COMMD7: variants seen among roughly 807,000 people sequenced by gnomAD.
COMMD7 encodes COMM domain containing 7.
Under a neutral mutation model 34.8 loss-of-function variants are expected in COMMD7, and 28 were observed. The ratio of observed to expected loss-of-function variants is 0.80; its 90% CI spans 0.60 to 1.10. The LOEUF is 1.10. COMMD7 is among the 50% of genes least tolerant of loss of function. The pLI, the probability that COMMD7 is intolerant of heterozygous loss-of-function variation, is 0.00. For synonymous variants in COMMD7, 80 were observed against 86.4 expected (o/e 0.93, Z 0.41); for missense variants, 211 against 241.6 (o/e 0.87, Z 0.84).
intron 3 of COMMD7, among the ~76,000 whole-genome samples, chr20:32,708,294 G>C (rs1335726411): frequency 6.6e-6 from 1 of 152,008 alleles, no homozygotes; most frequent in Non-Finnish European, 1.5e-5. Context: ...ACTAATTAAA[G>C]AATAGGAAGA....
rs776073166 is a variant in COMMD7, at chr20:32,727,953, T to C, written c.181A>G (p.Asn61Asp). 17 of 1,614,002 alleles carry C rather than the reference T, an allele frequency of 1.1e-5. No homozygotes were observed. The highest frequency in any genetic ancestry group is 1.4e-5 in the Non-Finnish European group (16 of 1,180,032). ...CTGAGGGAGCCAAGACTGATCTGAT[T>C]GGTGGTGGCAAATTCAGAGAGCTGA... ...LAQLSEFATT[N>D]QISLGSLRSI... Residue 61 changes from asparagine (N) to aspartate (D), a missense_variant, in exon 3 of 9, where the codon AAT (asparagine) becomes GAT (aspartate). Asn to Asp is a conservative substitution (Grantham distance 23, BLOSUM62 1). Coordinates refer to ENST00000278980, the MANE Select transcript of COMMD7 (RefSeq NM_053041.3).
chr20:32,719,224 C>T (rs1568782281), intron 3 of COMMD7, among the ~76,000 whole-genome samples: 1 of 152,138 alleles, frequency 6.6e-6, no homozygotes, highest in Non-Finnish European at 1.5e-5. Flanking sequence ...CCAGGGCAAA[C>T]TGGAGTCTGG....
At chr20:32,716,671 G>A (rs1984806657) in intron 3 of COMMD7, among the ~76,000 whole-genome samples, 1 of 152,170 alleles carries the variant, frequency 6.6e-6, no homozygotes, top group Admixed American at 6.6e-5. Context: ...GCCCACACCT[G>A]TAATCCCAGC....
intron 3 of COMMD7, among the ~76,000 whole-genome samples, chr20:32,715,299 A>G (rs1426570110): frequency 2.7e-5 from 4 of 150,836 alleles, no homozygotes; most frequent in Non-Finnish European, 4.4e-5. Flanking sequence ...CCTAGGAAAC[A>G]TGGCAAAACC....
chr20:32,713,892 G>T (rs936282790), intron 3 of COMMD7, among the ~76,000 whole-genome samples: 1 of 152,142 alleles, frequency 6.6e-6, no homozygotes, highest in Non-Finnish European at 1.5e-5. Flanking sequence ...GAGGCAGGTG[G>T]ATCTCAAGGT....
At chr20:32,722,976 G>A (rs6141337) in intron 3 of COMMD7, among the ~76,000 whole-genome samples, 23,156 of 149,402 alleles carry the variant, frequency 0.15, 2,062 homozygotes, top group East Asian at 0.39. Flanking sequence ...CTGAGATCAC[G>A]CCACTGCACT....
chr20:32,735,544 T>C (rs1447605906), intron 1 of COMMD7, among the ~76,000 whole-genome samples: 3 of 152,184 alleles, frequency 2.0e-5, no homozygotes, highest in African/African-American at 4.8e-5. Context: ...CTTAGACTGC[T>C]GGCCTGAAGT....
At chr20:32,725,987 C>T (rs959695027) in intron 3 of COMMD7, among the ~76,000 whole-genome samples, 7 of 146,850 alleles carry the variant, frequency 4.8e-5, no homozygotes, top group East Asian at 2.0e-4. Flanking sequence ...CACTTAAGCC[C>T]GGGAGGCGGA....
chr20:32,725,911 A>C (rs754017587), intron 3 of COMMD7, among the ~76,000 whole-genome samples: 1 of 151,586 alleles, frequency 6.6e-6, no homozygotes, highest in Non-Finnish European at 1.5e-5. Flanking sequence ...AATAATACAA[A>C]AAATAGCCAG....
Position 32,742,814 on chromosome 20 carries a change from C to A in COMMD7, c.84+494G>T, listed in dbSNP as rs1285515245. Among the ~76,000 whole-genome samples the A allele has an allele frequency of 2.6e-5, 4 of 152,230 alleles. No individual in the cohort carries two copies. In the South Asian group the frequency reaches 8.3e-4, roughly 32 times the overall value. Reference sequence around the variant, plus strand: ...AGACGGCAGCCCAGGCCAAGCTTCCCCGGGCCCCCTCAGATTCTCGGGCCC... The same window carrying A: ...AGACGGCAGCCCAGGCCAAGCTTCCACGGGCCCCCTCAGATTCTCGGGCCC... On this transcript the variant is annotated intron_variant, in intron 1 of 8. Coordinates refer to ENST00000278980, the MANE Select transcript of COMMD7 (RefSeq NM_053041.3).
Position 32,743,427 on chromosome 20 carries a change from C to G in COMMD7, c.-36G>C. 4 of 1,300,364 alleles carry G rather than the reference C, an allele frequency of 3.1e-6. No individual in the cohort carries two copies. The East Asian group carries it at 9.6e-5, about 31-fold the overall frequency. 80.6% of individuals were successfully genotyped at this position (1,300,364 alleles called of 1,614,324 possible). A position where few individuals can be genotyped will look rare whatever the true frequency, so the allele number is the denominator to read the frequency against. ...CCAGCCCCGCAGGTTCCACCGCCGCCGCCGCCCTGCTCAGCTTCCTCCTCC... is the reference window on the plus strand; with the variant it reads ...CCAGCCCCGCAGGTTCCACCGCCGCGGCCGCCCTGCTCAGCTTCCTCCTCC... On this transcript the variant is annotated 5_prime_UTR_variant, in exon 1 of 9. Coordinates refer to ENST00000278980, the MANE Select transcript of COMMD7 (RefSeq NM_053041.3).
At chr20:32,716,046 G>A (rs1984757003) in intron 3 of COMMD7, among the ~76,000 whole-genome samples, 1 of 151,986 alleles carries the variant, frequency 6.6e-6, no homozygotes, top group Admixed American at 6.6e-5. Context: ...AGGTACCATT[G>A]GGTCTCAGAG....
intron 3 of COMMD7, among the ~76,000 whole-genome samples, chr20:32,709,959 G>T (rs1437928591): frequency 1.3e-5 from 2 of 150,648 alleles, no homozygotes; most frequent in Admixed American, 1.3e-4. Context: ...GCTCATTACA[G>T]CCTTGACCTC....
chr20:32,704,384 T>TGAA, intron 7 of COMMD7, 56 bp downstream of exon 7: 1 of 1,517,854 alleles, frequency 6.6e-7, no homozygotes, highest in Non-Finnish European at 9.0e-7. Context: ...AATGTAGATA[T>TGAA]AATTTTTAAC....
At chr20:32,733,666 G>C (rs1371079639) in intron 1 of COMMD7, among the ~76,000 whole-genome samples, 1 of 149,440 alleles carries the variant, frequency 6.7e-6, no homozygotes, top group African/African-American at 2.5e-5. Context: ...GCAGTGAGCC[G>C]AGATTGCACC....
chr20:32,714,776 A>T (rs1034941349), intron 3 of COMMD7, among the ~76,000 whole-genome samples: 1 of 151,860 alleles, frequency 6.6e-6, no homozygotes, highest in Admixed American at 6.6e-5. Flanking sequence ...GTGAGCCGAG[A>T]TCGTACCACT....
intron 1 of COMMD7, among the ~76,000 whole-genome samples, chr20:32,729,692 C>T (rs911755695): frequency 2.0e-5 from 3 of 151,638 alleles, no homozygotes; most frequent in African/African-American, 4.8e-5. Flanking sequence ...CTTGTACTTC[C>T]GAGCAAGCAG....
At chr20:32,728,447 TACACACACAC>T (rs112717200) in intron 1 of COMMD7, among the ~76,000 whole-genome samples, 7 of 150,748 alleles carry the variant, frequency 4.6e-5, no homozygotes, top group Admixed American at 1.3e-4. Context: ...CAGACAGACA[TACACACACAC>T]ACACACACAC....
chr20:32,728,062 C>G lies in COMMD7; in HGVS notation c.138+27G>C. 4 of 1,613,474 alleles carry G rather than the reference C, an allele frequency of 2.5e-6. No individual in the cohort carries two copies. The Middle Eastern group carries it at 6.6e-4, about 266-fold the overall frequency. On this transcript the variant is annotated intron_variant, in intron 2 of 8. Coordinates refer to ENST00000278980, the MANE Select transcript of COMMD7 (RefSeq NM_053041.3). ...AAGCATCTCAGGGAGCACGGACCCA[C>G]TCCCTAACACAGAATGTTTTATTTA...
Sources: allele counts gnomAD v4.1 joint callset (sites outside exome capture counted in the v4.1 genomes callset), GRCh38; gene constraint gnomAD v4.1.1; transcripts MANE v1.5; gene names NCBI Gene and HGNC (gene_info 2026-07-23, HGNC 2026-07-21).